The following EIF4G3 variants were observed in gnomAD, a reference collection of about 807,000 sequenced individuals.
EIF4G3 encodes eukaryotic translation initiation factor 4 gamma 3, also known as eIF-4-gamma 3.
EIF4G3 carries 34 observed loss-of-function variants against 186.4 expected under a neutral mutation model. That is an observed-to-expected ratio of 0.18 (90% CI 0.14 to 0.24). The LOEUF is 0.24. Among genes scored for constraint, EIF4G3 ranks in the 10% least tolerant of loss-of-function variants. The pLI is 1.00. For missense variants in EIF4G3, 1,536 were observed against 1,948.5 expected (o/e 0.79, Z 3.99); for synonymous variants, 673 against 679.5 (o/e 0.99, Z 0.15).
chr1:20,858,702 C>T (rs1213096470), intron 24 of EIF4G3, among the ~76,000 whole-genome samples: 2 of 152,122 alleles, frequency 1.3e-5, no homozygotes, highest in African/African-American at 2.4e-5. Flanking sequence ...ACAATAAATA[C>T]TTGCTGAATG....
At position 20,941,650 on chromosome 1, in the gene EIF4G3, T is replaced by C. The variant is rs141254078; in HGVS notation, c.1504A>G (p.Ile502Val). 2,442 of 1,614,114 alleles carry C rather than the reference T, an allele frequency of 1.5e-3. 27 individuals are homozygous for C. Among genetic ancestry groups the C allele is most frequent in the South Asian group, 0.015 (1,324 of 91,064 alleles). Reference protein sequence around the residue: ...ATTVSSPSAAITVQRVLEEDE... With the variant: ...ATTVSSPSAAVTVQRVLEEDE... ...TCCTCTAGGACTCTCTGGACTGTGA[T>C]GGCAGCACTCGGAGAACTAACAGTA... Residue 502 changes from isoleucine to valine, a missense_variant, in exon 14 of 37, where the codon ATC (isoleucine) becomes GTC (valine). By Grantham distance (29) the Ile-to-Val change is conservative (BLOSUM62 3). Transcript: ENST00000602326.
chr1:21,112,362 AG>A (rs2096740767), intron 2 of EIF4G3, among the ~76,000 whole-genome samples: 2 of 152,234 alleles, frequency 1.3e-5, no homozygotes, highest in Non-Finnish European at 2.9e-5. Context: ...CAGGTCTTCC[AG>A]TGAACAGCAA....
chr1:20,873,270 T>C (rs1236710760), intron 20 of EIF4G3, among the ~76,000 whole-genome samples: 1 of 152,222 alleles, frequency 6.6e-6, no homozygotes, highest in African/African-American at 2.4e-5. Context: ...CATTCTACTA[T>C]CAACAGGCAT....
chr1:21,121,923 A>G (rs113152410), intron 2 of EIF4G3, among the ~76,000 whole-genome samples: 162 of 152,270 alleles, frequency 1.1e-3, no homozygotes, highest in African/African-American at 3.8e-3. Flanking sequence ...GATTCAAAAC[A>G]GCCTGTAAGG....
chr1:21,089,742 T>G (rs2096119886), intron 2 of EIF4G3, among the ~76,000 whole-genome samples: 1 of 147,832 alleles, frequency 6.8e-6, no homozygotes, highest in Non-Finnish European at 1.5e-5. Context: ...AGCAAACCTC[T>G]CTACCAAAAA....
At chr1:21,089,074 T>C in intron 3 of EIF4G3, 64 bp downstream of exon 3, 2 of 692,600 alleles carry the variant, frequency 2.9e-6, no homozygotes, top group South Asian at 3.2e-5. Flanking sequence ...ACACTGCCTA[T>C]AATTAATACC....
chr1:20,955,791 C>G (rs10916909), intron 12 of EIF4G3, among the ~76,000 whole-genome samples: 5,162 of 151,982 alleles, frequency 0.034, 296 homozygotes, highest in African/African-American at 0.12. Flanking sequence ...CATTAGGTTT[C>G]TGGTTTCTGA....
chr1:20,988,949 C>T (rs879895966), intron 7 of EIF4G3, among the ~76,000 whole-genome samples: 2 of 149,016 alleles, frequency 1.3e-5, no homozygotes, highest in Non-Finnish European at 3.0e-5. Flanking sequence ...GACTGGAGTC[C>T]CAGCTACTTA....
At chr1:20,900,072 C>T in intron 15 of EIF4G3, 129 bp from the exon 16 acceptor site, 1 of 969,474 alleles carries the variant, frequency 1.0e-6, no homozygotes, top group Non-Finnish European at 1.5e-6. Flanking sequence ...CTGTGTTCAG[C>T]ATGTGGTATT....
chr1:21,073,753 A>T, intron 3 of EIF4G3: 2 of 462,342 alleles, frequency 4.3e-6, no homozygotes, highest in Non-Finnish European at 4.3e-6. Context: ...CTATGATGGT[A>T]TTGTCACATG....
At chr1:21,138,727 C>T (rs1268726935) in intron 2 of EIF4G3, among the ~76,000 whole-genome samples, 1 of 152,072 alleles carries the variant, frequency 6.6e-6, no homozygotes, top group African/African-American at 2.4e-5. Flanking sequence ...AGGAGAATCG[C>T]TTGAACCTGG....
At position 21,176,231 on chromosome 1, in the gene EIF4G3, TGCCGCCGCCGCCGCC is replaced by T. The variant is rs34197724; in HGVS notation, c.-343_-329del. On this transcript the variant is annotated 5_prime_UTR_variant, in exon 2 of 37. Coordinates refer to ENST00000602326, the MANE Select transcript of EIF4G3 (RefSeq NM_001391906.1). ...TGTTCGGGTGAGGAGGGGGGACCGC[TGCCGCCGCCGCCGCC>T]GCCGCCGCCGCCGCCGCCGCTGCTG... 437 of 346,396 alleles carry T rather than the reference TGCCGCCGCCGCCGCC, an allele frequency of 1.3e-3. 18 individuals carry two copies. The highest frequency in any genetic ancestry group is 5.5e-3 in the East Asian group (112 of 20,422). The allele number at this position is 346,396 out of a possible 1,614,324, so 21.5% of individuals were successfully genotyped here. A position where few individuals can be genotyped will look rare whatever the true frequency, so the allele number is the denominator to read the frequency against.
At chr1:21,038,906 AT>A (rs2093400854) in intron 4 of EIF4G3, among the ~76,000 whole-genome samples, 2 of 152,212 alleles carry the variant, frequency 1.3e-5, no homozygotes, top group African/African-American at 4.8e-5. Context: ...ACAGAATCCT[AT>A]AAAAATCCCA....
chr1:20,912,995 C>T (rs566916409), intron 14 of EIF4G3, among the ~76,000 whole-genome samples: 130 of 152,202 alleles, frequency 8.5e-4, no homozygotes, highest in African/African-American at 2.9e-3. Flanking sequence ...AAAAGAATAA[C>T]AATGGCGATG....
At chr1:21,053,796 G>A (rs1364171673) in intron 3 of EIF4G3, among the ~76,000 whole-genome samples, 1 of 148,326 alleles carries the variant, frequency 6.7e-6, no homozygotes, top group South Asian at 2.1e-4. Context: ...CCCCTACTGG[G>A]AAGAGAGGAG....
At chr1:21,052,114 A>G (rs1034900029) in intron 3 of EIF4G3, among the ~76,000 whole-genome samples, 1 of 152,230 alleles carries the variant, frequency 6.6e-6, no homozygotes, top group African/African-American at 2.4e-5. Context: ...AATTTATACA[A>G]CTGAAAAATA....
At chr1:20,891,257 G>A (rs2154555530) in intron 18 of EIF4G3, among the ~76,000 whole-genome samples, 1 of 152,274 alleles carries the variant, frequency 6.6e-6, no homozygotes, top group East Asian at 1.9e-4. Context: ...AGCTGTTAGT[G>A]AAAAGTGACA....
chr1:20,893,819 T>C (rs1201789883), intron 17 of EIF4G3, among the ~76,000 whole-genome samples, 183 bp from the exon 18 acceptor site: 1 of 151,118 alleles, frequency 6.6e-6, no homozygotes, highest in African/African-American at 2.4e-5. Flanking sequence ...GCCATTAGGC[T>C]AAAACAATGG....
chr1:20,900,291 C>G (rs1176676398), intron 15 of EIF4G3, among the ~76,000 whole-genome samples: 1 of 152,076 alleles, frequency 6.6e-6, no homozygotes, highest in African/African-American at 2.4e-5. Context: ...ACTACCCTTG[C>G]CATTAAAGCT....
Sources: gnomAD v4.1 joint callset for allele counts (sites outside exome capture counted in the v4.1 genomes callset) on GRCh38, gnomAD v4.1.1 for gene constraint, MANE v1.5 for transcripts, NCBI Gene and HGNC (gene_info 2026-07-23, HGNC 2026-07-21) for gene names.